The following LMO3 variants were observed in gnomAD, a reference collection of about 807,000 sequenced individuals.
The protein encoded by LMO3 is LIM domain only 3.
Under a neutral mutation model 15.8 loss-of-function variants are expected in LMO3, and 2 were observed. The ratio of observed to expected loss-of-function variants is 0.13; its 90% CI spans 0.05 to 0.40. The LOEUF (loss-of-function observed/expected upper bound fraction) is 0.40, where lower values mean the gene tolerates loss of function less well. Ranked by LOEUF, LMO3 falls within the 10% of genes least tolerant of loss-of-function variation. The pLI is 0.99. For synonymous variants in LMO3, 62 were observed against 63.8 expected (o/e 0.97, Z 0.13); for missense variants, 86 against 182.2 (o/e 0.47, Z 3.04).
At chr12:16,607,950 T>C (rs1944056304), upstream of LMO3, 1 of 152,166 alleles carries the variant, frequency 6.6e-6, no homozygotes, top group African/African-American at 2.4e-5. Context: ...AAAATAACGA[T>C]ATTCACAGAC....
chr12:16,570,811 C>T (rs1942789326), intron 2 of LMO3, among the ~76,000 whole-genome samples: 1 of 152,116 alleles, frequency 6.6e-6, no homozygotes, highest in Admixed American at 6.6e-5. Flanking sequence ...AATCACTTAC[C>T]TTGAATAGGT....
At chr12:16,574,374 C>A (rs184979804) in intron 2 of LMO3, among the ~76,000 whole-genome samples, 7 of 152,210 alleles carry the variant, frequency 4.6e-5, no homozygotes, top group Admixed American at 3.3e-4. Context: ...AGAGGAGAGA[C>A]CTTCTGCTTT....
intron 2 of LMO3, among the ~76,000 whole-genome samples, chr12:16,563,925 T>C (rs569174142): frequency 6.6e-6 from 1 of 152,336 alleles, no homozygotes; most frequent in South Asian, 2.1e-4. Context: ...TGCCAATTTA[T>C]GGGCTAGATT....
In LMO3 at chr12:16,584,081, G is replaced by A. The variant is rs1462830023; in HGVS notation, c.206+16574C>T. On this transcript the variant is annotated intron_variant, in intron 2 of 3. Transcript: ENST00000537304. This position sits in a 1 kb window ranked among gnomAD's most constrained non-coding sequence, Gnocchi z 5.2. Reference sequence around the variant, plus strand: ...AGGGTCAAGGAGGCTCAACAAGTTAGGGCTTGGTTTCAAGTGAGTCATCTC... The same window carrying A: ...AGGGTCAAGGAGGCTCAACAAGTTAAGGCTTGGTTTCAAGTGAGTCATCTC... 6.6e-6 allele frequency among the ~76,000 whole-genome samples: 1 copy of A among 152,162 alleles called. No homozygotes were observed. Among genetic ancestry groups the A allele is most frequent in the African/African-American group, 2.4e-5 (1 of 41,446 alleles).
At chr12:16,605,125 C>A (rs934561282) in intron 1 of LMO3, 19 of 1,422,298 alleles carry the variant, frequency 1.3e-5, no homozygotes, top group Non-Finnish European at 1.7e-5. Context: ...GAGCCCCTCG[C>A]AGTGTGCAAA....
At chr12:16,605,095 C>T in intron 1 of LMO3, 1 of 1,441,666 alleles carries the variant, frequency 6.9e-7, no homozygotes, top group Non-Finnish European at 9.1e-7. Flanking sequence ...GACGGCCAGA[C>T]AAGACAGGGC....
At chr12:16,565,196 C>T (rs1243330780) in intron 2 of LMO3, among the ~76,000 whole-genome samples, 3 of 152,044 alleles carry the variant, frequency 2.0e-5, no homozygotes, top group Admixed American at 6.6e-5. Flanking sequence ...GTTTGGCTTT[C>T]GAAGACTATG....
intron 2 of LMO3, among the ~76,000 whole-genome samples, chr12:16,578,818 A>AAACAAC (rs201327858): frequency 0.031 from 4,351 of 141,100 alleles, 142 homozygotes; most frequent in Admixed American, 0.1. Flanking sequence ...ATTCTGTCTC[A>AAACAAC]AACAACAACA....
intron 3 of LMO3, among the ~76,000 whole-genome samples, chr12:16,552,697 T>A (rs1345149997): frequency 6.6e-6 from 1 of 152,074 alleles, no homozygotes; most frequent in Non-Finnish European, 1.5e-5. Flanking sequence ...CTGATGATGT[T>A]GATTGAAAGC....
upstream of LMO3, among the ~76,000 whole-genome samples, chr12:16,609,481 A>C (rs1006758383): frequency 2.0e-5 from 3 of 152,198 alleles, no homozygotes; most frequent in African/African-American, 7.2e-5. Context: ...AAGGATTGCT[A>C]TAAAGAGCCA....
chr12:16,583,146 G>C (rs1051896330), intron 2 of LMO3, among the ~76,000 whole-genome samples: 1 of 151,758 alleles, frequency 6.6e-6, no homozygotes, highest in African/African-American at 2.4e-5. Context: ...TAAAAGAGAA[G>C]AGAGACTGTA....
chr12:16,573,335 A>G (rs1294015938), intron 2 of LMO3, among the ~76,000 whole-genome samples: 1 of 152,222 alleles, frequency 6.6e-6, no homozygotes, highest in Non-Finnish European at 1.5e-5. Flanking sequence ...CATATTGAAT[A>G]TTAAAAACAT....
chr12:16,565,893 C>T (rs1942579987), intron 2 of LMO3, among the ~76,000 whole-genome samples: 1 of 149,292 alleles, frequency 6.7e-6, no homozygotes, highest in Admixed American at 6.7e-5. Context: ...TATCTGCACT[C>T]TCGTGTTTAT....
Position 16,590,438 on chromosome 12 carries a change from C to G in LMO3, c.206+10217G>C, listed in dbSNP as rs543556011. On this transcript the variant is annotated intron_variant, in intron 2 of 3. Coordinates refer to ENST00000537304, the MANE Select transcript of LMO3 (RefSeq NM_018640.5). ...TAACTAGAGCAAATATATTATTTTACATGTTTTGTAACTATAAGATAATTA... is the reference window on the plus strand; with the variant it reads ...TAACTAGAGCAAATATATTATTTTAGATGTTTTGTAACTATAAGATAATTA... Among the ~76,000 whole-genome samples, 8 of 152,000 alleles carry G rather than the reference C, an allele frequency of 5.3e-5. No individual in the cohort carries two copies. The East Asian group carries it at 7.7e-4, about 15-fold the overall frequency.
chr12:16,583,318 A>G (rs547472677), intron 2 of LMO3, among the ~76,000 whole-genome samples: 1 of 151,872 alleles, frequency 6.6e-6, no homozygotes, highest in Non-Finnish European at 1.5e-5. Context: ...CTTTTTTTTT[A>G]AAAAAATTAG....
chr12:16,557,053 A>G (rs1022585196), intron 3 of LMO3, among the ~76,000 whole-genome samples: 1 of 152,202 alleles, frequency 6.6e-6, no homozygotes, highest in Admixed American at 6.5e-5. Context: ...CTGAGGAGAC[A>G]GACTTAATTG....
In LMO3 at chr12:16,576,744, T is replaced by G. The variant is rs1168912118; in HGVS notation, c.207-16206A>C. ...AATTAACATTCTTGCATTGTCCAAC[T>G]ATATAGACTGCATACAGGGATTTTA... is the stretch of plus-strand genomic sequence containing the variant. On this transcript the variant is annotated intron_variant, in intron 2 of 3. Coordinates refer to ENST00000537304, the MANE Select transcript of LMO3 (RefSeq NM_018640.5). This position sits in a 1 kb window ranked among gnomAD's most constrained non-coding sequence, Gnocchi z 4.1. Among the ~76,000 whole-genome samples, 1 of 152,250 alleles carries G rather than the reference T, an allele frequency of 6.6e-6. No individual in the cohort carries two copies. Among genetic ancestry groups the G allele is most frequent in the Non-Finnish European group, 1.5e-5 (1 of 68,042 alleles).
intron 2 of LMO3, among the ~76,000 whole-genome samples, chr12:16,578,172 T>G: frequency 6.6e-6 from 1 of 152,302 alleles, no homozygotes; most frequent in Non-Finnish European, 1.5e-5. Context: ...TTCATGAAAC[T>G]TAGAAAATGT....
At chr12:16,594,479 T>C (rs1943588125) in intron 2 of LMO3, 1 of 408,892 alleles carries the variant, frequency 2.4e-6, no homozygotes, top group Admixed American at 3.8e-5. Flanking sequence ...GTCCAGCATT[T>C]ACACTTCATA....
Sources: allele counts gnomAD v4.1 joint callset (sites outside exome capture counted in the v4.1 genomes callset), GRCh38; gene constraint gnomAD v4.1.1; non-coding constraint Gnocchi (gnomAD v3.1); transcripts MANE v1.5; gene names NCBI Gene and HGNC (gene_info 2026-07-23, HGNC 2026-07-21).